The following ZNG1F variants were observed in gnomAD, a reference collection of about 807,000 sequenced individuals.
ZNG1F encodes the protein Zn regulated GTPase metalloprotein activator 1F, also known as zinc-regulated GTPase metalloprotein activator 1F.
the ZNG1F span, chr9:41,157,690 T>C: frequency 6.6e-6 from 1 of 150,490 alleles, no homozygotes; most frequent in Non-Finnish European, 1.5e-5. Flanking sequence ...ATCTCCTTTA[T>C]CTTAGGACTG....
At chr9:41,144,143 A>G in the ZNG1F span, among the ~76,000 whole-genome samples, 1 of 34,418 alleles carries the variant, frequency 2.9e-5, no homozygotes, top group African/African-American at 6.2e-5. Context: ...TAAGGAATTT[A>G]TAGACTAATG....
the ZNG1F span, among the ~76,000 whole-genome samples, chr9:41,180,642 TTG>T: frequency 3.9e-5 from 3 of 77,908 alleles, no homozygotes; most frequent in African/African-American, 5.5e-5. Flanking sequence ...ATTTACCTAC[TTG>T]TGTGTGTGTG....
the ZNG1F span, among the ~76,000 whole-genome samples, chr9:41,150,337 C>T: frequency 4.0e-5 from 6 of 150,446 alleles, 1 homozygote; most frequent in African/African-American, 9.8e-5. Flanking sequence ...CACGGAGTCT[C>T]GCGGATTGCT....
At chr9:41,187,200 C>T in the ZNG1F span, among the ~76,000 whole-genome samples, 1 of 140,810 alleles carries the variant, frequency 7.1e-6, no homozygotes, top group Non-Finnish European at 1.6e-5. Context: ...TTATGCTGGG[C>T]CTTGGTGAAA....
At chr9:41,159,105 G>A in the ZNG1F span, among the ~76,000 whole-genome samples, 3 of 150,320 alleles carry the variant, frequency 2.0e-5, no homozygotes, top group South Asian at 2.1e-4. Flanking sequence ...AAGTGAAAAC[G>A]AAGAGGGTTT....
At chr9:41,183,410 A>G in the ZNG1F span, 2 of 863,182 alleles carry the variant, frequency 2.3e-6, no homozygotes, top group East Asian at 3.1e-5. Context: ...ACACTTTAAG[A>G]AAATGCTTCC....
the ZNG1F span, among the ~76,000 whole-genome samples, chr9:41,139,723 T>C: frequency 1.3e-5 from 2 of 151,754 alleles, no homozygotes; most frequent in Non-Finnish European, 2.9e-5. Context: ...CACCTAAATG[T>C]CCAGGACAGT....
the ZNG1F span, chr9:41,132,398 T>G: frequency 6.3e-7 from 1 of 1,598,094 alleles, no homozygotes. Context: ...TCAGCCTCAG[T>G]TCAAACTTAA....
the ZNG1F span, among the ~76,000 whole-genome samples, chr9:41,151,924 T>A: frequency 7.2e-6 from 1 of 138,522 alleles, no homozygotes; most frequent in East Asian, 2.1e-4. Flanking sequence ...CCATCGAGAC[T>A]AGGAAGAAAC....
At chr9:41,132,016 C>T in the ZNG1F span, 1 of 918,526 alleles carries the variant, frequency 1.1e-6, no homozygotes, top group Non-Finnish European at 1.6e-6. Context: ...CACATTGGTC[C>T]TTGGATTAAC....
the ZNG1F span, among the ~76,000 whole-genome samples, chr9:41,204,944 C>G: frequency 4.7e-5 from 7 of 150,482 alleles, no homozygotes; most frequent in Non-Finnish European, 5.9e-5. Flanking sequence ...ATATATTTAT[C>G]ATTAATTCAT....
the ZNG1F span, among the ~76,000 whole-genome samples, chr9:41,141,349 T>C: frequency 6.7e-6 from 1 of 149,836 alleles, no homozygotes; most frequent in Middle Eastern, 3.4e-3. Flanking sequence ...AGGTGTTCCT[T>C]ATGGGGAATA....
the ZNG1F span, among the ~76,000 whole-genome samples, chr9:41,138,200 CTGTT>C: frequency 1.6e-5 from 2 of 127,596 alleles, no homozygotes; most frequent in African/African-American, 3.2e-5. Flanking sequence ...GGTGAATTCT[CTGTT>C]TGTCTGAAAA....
chr9:41,169,718 G>T, the ZNG1F span, among the ~76,000 whole-genome samples: 3 of 147,176 alleles, frequency 2.0e-5, no homozygotes, highest in East Asian at 5.9e-4. Context: ...CTAAAACATA[G>T]ATCTTAATTG....
the ZNG1F span, among the ~76,000 whole-genome samples, chr9:41,147,679 G>GA: frequency 0.017 from 1,483 of 84,912 alleles, 148 homozygotes; most frequent in African/African-American, 0.061. Context: ...TCTCCAAGGG[G>GA]AAAAAAAAAA....
chr9:41,150,353 A>G, the ZNG1F span, among the ~76,000 whole-genome samples: 3 of 149,678 alleles, frequency 2.0e-5, no homozygotes, highest in Non-Finnish European at 3.0e-5. Context: ...TTGCTAGCAC[A>G]GCAGTCTGAG....
the ZNG1F span, among the ~76,000 whole-genome samples, chr9:41,155,978 A>T: frequency 5.4e-5 from 7 of 129,860 alleles, no homozygotes; most frequent in South Asian, 1.3e-3. Context: ...AAACTTAAAT[A>T]ATAATAAATA....
chr9:41,149,696 A>T, the ZNG1F span, among the ~76,000 whole-genome samples: 1 of 151,100 alleles, frequency 6.6e-6, no homozygotes, highest in Non-Finnish European at 1.5e-5. Context: ...GGAAGCTGCT[A>T]TTCAAGGGGT....
chr9:41,168,381 C>A, the ZNG1F span, among the ~76,000 whole-genome samples: 2 of 20,184 alleles, frequency 9.9e-5, 1 homozygote, highest in African/African-American at 1.8e-4. Flanking sequence ...CATTCCATGC[C>A]AAAAGATCAA....
Sources: gnomAD v4.1 joint callset for allele counts (sites outside exome capture counted in the v4.1 genomes callset) on GRCh38, gnomAD v4.1.1 for gene constraint, MANE v1.5 for transcripts, NCBI Gene and HGNC (gene_info 2026-07-23, HGNC 2026-07-21) for gene names.